Variants in MYCT1 observed in about 807,000 individuals in gnomAD.
MYCT1 encodes MYC target 1.
In MYCT1, 12 loss-of-function variants were observed where a neutral mutation model predicts 15.0. That is an observed-to-expected ratio of 0.80 (90% CI 0.51 to 1.29). MYCT1 has a LOEUF of 1.29. Ranked by LOEUF, MYCT1 falls within the 50% of genes most tolerant of loss-of-function variation. The pLI is 0.00. For synonymous variants in MYCT1, 104 were observed against 102.7 expected, an observed-to-expected ratio of 1.01 and a Z score of -0.07; for missense variants, 287 against 279.1, an observed-to-expected ratio of 1.03 and a Z score of -0.20.
chr6:152,727,160 G>C (rs562076353), downstream of MYCT1, among the ~76,000 whole-genome samples: 1 of 149,658 alleles, frequency 6.7e-6, no homozygotes, highest in Admixed American at 6.6e-5. Context: ...GCCGTGAGCC[G>C]AGATCGCACC....
rs1221795551 is a variant in MYCT1 at position 152,722,022 on chromosome 6, A to G, written c.477A>G (p.Lys159=). The G allele has an allele frequency of 1.9e-6, 3 of 1,614,142 alleles. No individual in the cohort carries two copies. Among genetic ancestry groups the G allele is most frequent in the Non-Finnish European group, 2.5e-6 (3 of 1,180,020 alleles). ...AACAAGCAAATTCCTTTCCAAGAAAATCAAGTTTCAGAGCTTCTACTTTCC... is the reference window on the plus strand; with the variant it reads ...AACAAGCAAATTCCTTTCCAAGAAAGTCAAGTTTCAGAGCTTCTACTTTCC... ...SLEQANSFPR[K]SSFRASTFHP... The change falls in exon 2 of 2, where the codon AAA becomes AAG. Residue 159 remains lysine, a synonymous_variant. Transcript: ENST00000367245.
chr6:152,743,567 C>G, the MYCT1 span, among the ~76,000 whole-genome samples: 1 of 152,230 alleles, frequency 6.6e-6, no homozygotes, highest in Non-Finnish European at 1.5e-5. Flanking sequence ...GCTCAACCGT[C>G]CCGGTAAATC....
intron 1 of MYCT1, among the ~76,000 whole-genome samples, chr6:152,721,342 CT>C (rs2099724662): frequency 6.6e-6 from 1 of 152,218 alleles, no homozygotes; most frequent in South Asian, 2.1e-4. Flanking sequence ...TGACAAAATT[CT>C]TTATCAATCT....
Position 152,698,170 on chromosome 6 carries a change from CAG to C in MYCT1, c.196+73_196+74del, listed in dbSNP as rs1386784471. On this transcript the variant is annotated intron_variant, in intron 1 of 1. Transcript: ENST00000367245. ...GAAATGCACTGCGTGATTATTAAAACAGTGAAAATCTCTGAGACATTTTGTTT... is the reference window on the plus strand; with the variant it reads ...GAAATGCACTGCGTGATTATTAAAACTGAAAATCTCTGAGACATTTTGTTT... 5 of 850,186 alleles carry C rather than the reference CAG, an allele frequency of 5.9e-6. No individual in the cohort carries two copies. The African/African-American group carries it at 8.8e-5, about 15-fold the overall frequency. 52.7% of individuals were successfully genotyped at this position (850,186 alleles called of 1,614,324 possible).
At chr6:152,735,309 T>C in the MYCT1 span, among the ~76,000 whole-genome samples, 10 of 152,182 alleles carry the variant, frequency 6.6e-5, no homozygotes, top group Non-Finnish European at 1.3e-4. Context: ...AGTGAGCCTT[T>C]ATTAAGAAAT....
At chr6:152,739,101 T>A in the MYCT1 span, among the ~76,000 whole-genome samples, 1 of 152,068 alleles carries the variant, frequency 6.6e-6, no homozygotes, top group Non-Finnish European at 1.5e-5. Context: ...AAAGGATACT[T>A]TTAAAAAAAT....
the MYCT1 span, among the ~76,000 whole-genome samples, chr6:152,735,890 GA>G: frequency 1.3e-5 from 2 of 151,972 alleles, no homozygotes; most frequent in Non-Finnish European, 2.9e-5. Flanking sequence ...ACAGTTAAAA[GA>G]AAAAAGCCCT....
At chr6:152,728,226 A>C (rs1296929509), downstream of MYCT1, among the ~76,000 whole-genome samples, 2 of 152,054 alleles carry the variant, frequency 1.3e-5, no homozygotes, top group African/African-American at 4.8e-5. Flanking sequence ...TAAAATAGAG[A>C]ACAAGAGGGC....
At chr6:152,726,820 A>T (rs568908970), downstream of MYCT1, among the ~76,000 whole-genome samples, 5 of 152,206 alleles carry the variant, frequency 3.3e-5, no homozygotes, top group Non-Finnish European at 7.3e-5. Context: ...TTTCTTTCAC[A>T]GAATCACATG....
At chr6:152,706,548 T>C (rs2099722304) in intron 1 of MYCT1, among the ~76,000 whole-genome samples, 1 of 152,114 alleles carries the variant, frequency 6.6e-6, no homozygotes, top group African/African-American at 2.4e-5. Context: ...AGTAGACAAA[T>C]ATCCAATTAT....
At chr6:152,740,677 C>T in the MYCT1 span, among the ~76,000 whole-genome samples, 1 of 152,284 alleles carries the variant, frequency 6.6e-6, no homozygotes, top group Non-Finnish European at 1.5e-5. Flanking sequence ...TAAACAAGTA[C>T]ACATCTCCCA....
chr6:152,745,200 A>C, the MYCT1 span, among the ~76,000 whole-genome samples: 2 of 152,192 alleles, frequency 1.3e-5, no homozygotes, highest in Non-Finnish European at 2.9e-5. Flanking sequence ...GGCTCTTCCC[A>C]GGCAAACCAT....
chr6:152,743,693 A>G, the MYCT1 span, among the ~76,000 whole-genome samples: 31 of 152,328 alleles, frequency 2.0e-4, no homozygotes, highest in African/African-American at 7.0e-4. Context: ...TGAAAGGTCC[A>G]GATCTCAGCT....
At chr6:152,726,835 TGGACA>T (rs2099725753), downstream of MYCT1, among the ~76,000 whole-genome samples, 1 of 151,492 alleles carries the variant, frequency 6.6e-6, no homozygotes, top group South Asian at 2.1e-4. Flanking sequence ...CACATGATAC[TGGACA>T]GCCAGAATGG....
At chr6:152,714,471 G>T (rs1378864192) in intron 1 of MYCT1, among the ~76,000 whole-genome samples, 6 of 151,062 alleles carry the variant, frequency 4.0e-5, no homozygotes, top group Non-Finnish European at 1.5e-5. Context: ...TACCTATAAA[G>T]CTATAAATGT....
At chr6:152,728,164 G>GA (rs5881002), downstream of MYCT1, among the ~76,000 whole-genome samples, 2,563 of 143,460 alleles carry the variant, frequency 0.018, 34 homozygotes, top group Non-Finnish European at 0.024. Context: ...CCTCTGTCTG[G>GA]AAAAAAAAAA....
downstream of MYCT1, among the ~76,000 whole-genome samples, chr6:152,727,549 C>G (rs1310505238): frequency 6.6e-6 from 1 of 152,166 alleles, no homozygotes; most frequent in Non-Finnish European, 1.5e-5. Context: ...TGAAGCCATG[C>G]TGGAAGAACA....
At chr6:152,738,614 A>C in the MYCT1 span, among the ~76,000 whole-genome samples, 1 of 152,106 alleles carries the variant, frequency 6.6e-6, no homozygotes, top group Non-Finnish European at 1.5e-5. Context: ...TATGGAGCGA[A>C]TAATGCTTAC....
chr6:152,726,228 C>G (rs1180536235), downstream of MYCT1, among the ~76,000 whole-genome samples: 1 of 152,034 alleles, frequency 6.6e-6, no homozygotes, highest in Non-Finnish European at 1.5e-5. Flanking sequence ...GAAACCCTGT[C>G]TCTACTAAAA....
Sources: allele counts gnomAD v4.1 joint callset (sites outside exome capture counted in the v4.1 genomes callset), GRCh38; gene constraint gnomAD v4.1.1; transcripts MANE v1.5; gene names NCBI Gene and HGNC (gene_info 2026-07-23, HGNC 2026-07-21).